ZNF888: variants seen among roughly 807,000 people sequenced by gnomAD.
ZNF888 encodes the protein CTD-2331H12.6.
ZNF888 carries 5 observed loss-of-function variants against 7.2 expected under a neutral mutation model. The ratio of observed to expected loss-of-function variants is 0.70; its 90% CI spans 0.36 to 1.46. ZNF888 has a LOEUF of 1.46. ZNF888 is among the 40% of genes most tolerant of loss of function. The pLI is 0.03. For synonymous variants in ZNF888, 240 were observed against 284.3 expected (o/e 0.84, Z 1.57); for missense variants, 716 against 858.0 (o/e 0.83, Z 2.07).
Position 52,906,541 on chromosome 19 carries a change from G to C in ZNF888, c.1781C>G (p.Ala594Gly). The C allele has an allele frequency of 6.2e-7, 1 of 1,613,544 alleles. No homozygotes were observed. Among genetic ancestry groups the C allele is most frequent in the South Asian group, 1.1e-5 (1 of 91,044 alleles). Residue 594 changes from alanine to glycine, a missense_variant, in exon 5 of 5, where the codon GCA (alanine) becomes GGA (glycine). By Grantham distance (60) the Ala-to-Gly change is moderately conservative. Coordinates refer to ENST00000638862, the MANE Select transcript of ZNF888 (RefSeq NM_001393938.1). The stretch of plus-strand genomic sequence containing the variant: ...TCCAGTATGAAGTCTATGATGACAT[G>C]CAAGTTGTGACTGTGTCCTAAAAAC... Reference protein sequence around the residue: ...GKVFRTQSQLACHHRLHTGEK... With the variant: ...GKVFRTQSQLGCHHRLHTGEK...
At chr19:52,909,764 A>G (rs2147925415) in intron 4 of ZNF888, among the ~76,000 whole-genome samples, 1 of 152,312 alleles carries the variant, frequency 6.6e-6, no homozygotes, top group Middle Eastern at 3.4e-3. Context: ...AAAAACCACA[A>G]CTTGTTCTTA....
At chr19:52,911,870 A>G (rs1405886620) in intron 4 of ZNF888, among the ~76,000 whole-genome samples, 2 of 150,576 alleles carry the variant, frequency 1.3e-5, no homozygotes, top group East Asian at 2.0e-4. Context: ...AGGCTGGAGT[A>G]CAGTGGTGCA....
At chr19:52,910,049 C>T (rs144491050) in intron 4 of ZNF888, among the ~76,000 whole-genome samples, 65 of 147,516 alleles carry the variant, frequency 4.4e-4, no homozygotes, top group African/African-American at 1.4e-3. Context: ...TTGGGGGACC[C>T]GAGGCAGGAG....
intron 1 of ZNF888, chr19:52,921,730 C>T: frequency 2.6e-6 from 2 of 755,266 alleles, no homozygotes; most frequent in Non-Finnish European, 3.2e-6. Context: ...CAATTGTAGA[C>T]CAGCCTGACC....
At chr19:52,913,853 T>C (rs2064714183) in intron 4 of ZNF888, 1 of 628,948 alleles carries the variant, frequency 1.6e-6, no homozygotes. Flanking sequence ...CGGTTGGGCA[T>C]GGTGGCTCAC....
In ZNF888 at chr19:52,907,558, C is replaced by A. The variant is rs957993203; in HGVS notation, c.764G>T (p.Arg255Leu). The stretch of plus-strand genomic sequence containing the variant: ...ACATCTACGATGGTGTGCAAGGTAT[C>A]GCTTCTGATTAAAGTCTTTGCCACA... ...DVCGKDFNQK[R>L]YLAHHRRCHT... The change falls in exon 5 of 5, where the codon CGA becomes CTA. Residue 255 changes from arginine (R) to leucine (L), a missense_variant. By Grantham distance (102) the Arg-to-Leu change is moderately radical. This residue lies in a region of ZNF888 where 697 missense variants were observed against 803.4 expected (regional missense o/e 0.87). Transcript: ENST00000638862. 1.2e-5 allele frequency: 20 copies of A among 1,609,408 alleles called. No individual in the cohort carries two copies. The Admixed American group carries it at 1.7e-4, about 14-fold the overall frequency.
In ZNF888 at chr19:52,906,116, G is replaced by T. The variant is rs769078319; in HGVS notation, c.*49C>A. 6 of 1,611,550 alleles carry T rather than the reference G, an allele frequency of 3.7e-6. No individual in the cohort carries two copies. Among genetic ancestry groups the T allele is most frequent in the Non-Finnish European group, 3.4e-6 (4 of 1,178,150 alleles). On this transcript the variant is annotated 3_prime_UTR_variant, in exon 5 of 5. Coordinates refer to ENST00000638862, the MANE Select transcript of ZNF888 (RefSeq NM_001393938.1). ...CTCTATTCATTATGGATTCTTCAAT[G>T]ATTTGCAATGGTTGTAGCGTTACTG...
chr19:52,921,509 T>A (rs998782809), intron 1 of ZNF888, among the ~76,000 whole-genome samples: 13 of 152,240 alleles, frequency 8.5e-5, no homozygotes, highest in Non-Finnish European at 1.9e-4. Context: ...GGTTGGTCTT[T>A]ATCACCCCAT....
chr19:52,913,774 A>G (rs1003909199), intron 4 of ZNF888: 1 of 981,316 alleles, frequency 1.0e-6, no homozygotes. Flanking sequence ...TTATATTCAC[A>G]CTGGAATCAT....
intron 3 of ZNF888, among the ~76,000 whole-genome samples, chr19:52,916,493 TA>T (rs2064749669): frequency 1.3e-5 from 2 of 151,496 alleles, no homozygotes; most frequent in South Asian, 2.1e-4. Flanking sequence ...TGTACATATA[TA>T]TGTGTATGTA....
intron 1 of ZNF888, among the ~76,000 whole-genome samples, chr19:52,922,315 CT>C (rs1301244985): frequency 6.6e-6 from 1 of 152,016 alleles, no homozygotes; most frequent in African/African-American, 2.4e-5. Flanking sequence ...TTATACCCCC[CT>C]GGCCCCACTC....
chr19:52,908,531 T>C (rs2064638405), intron 4 of ZNF888, among the ~76,000 whole-genome samples: 1 of 152,226 alleles, frequency 6.6e-6, no homozygotes, highest in Non-Finnish European at 1.5e-5. Context: ...ATATTCTTCA[T>C]ATTTACAGCA....
chr19:52,916,501 T>A (rs2064749785), intron 3 of ZNF888, among the ~76,000 whole-genome samples: 1 of 151,448 alleles, frequency 6.6e-6, no homozygotes, highest in Non-Finnish European at 1.5e-5. Flanking sequence ...TATATGTGTA[T>A]GTACATGTGT....
intron 4 of ZNF888, among the ~76,000 whole-genome samples, chr19:52,910,157 A>AG (rs2064660643): frequency 3.0e-5 from 2 of 67,368 alleles, no homozygotes. Flanking sequence ...CTCAAAAAAA[A>AG]AAAAAAAAAA....
chr19:52,905,739 C>G lies in ZNF888; in HGVS notation c.*426G>C. 2.0e-6 allele frequency: 1 copy of G among 506,732 alleles called. No homozygotes were observed. The highest frequency in any genetic ancestry group is 1.6e-5 in the South Asian group (1 of 62,044). The allele number at this position is 506,732 out of a possible 1,614,324, so 31.4% of individuals were successfully genotyped here. On this transcript the variant is annotated 3_prime_UTR_variant, in exon 5 of 5. Coordinates refer to ENST00000638862, the MANE Select transcript of ZNF888 (RefSeq NM_001393938.1). ...TTAATGCTTGATGGTTTGCTATACT[C>G]ATTGCATTCGGAACTATTATCTCAA...
intron 1 of ZNF888, among the ~76,000 whole-genome samples, chr19:52,919,970 C>T (rs1365728046): frequency 1.8e-5 from 1 of 56,810 alleles, no homozygotes; most frequent in African/African-American, 7.2e-5. Flanking sequence ...CGGCCAGCCG[C>T]CCCGTCCGGG....
rs145361548 is a variant in ZNF888, at chr19:52,920,938, T to TAAAAAAAAAAAAA, written c.-177-2014_-177-2002dup. Reference sequence around the variant, plus strand: ...GCTCAGAATAAATCTCTTCAAATATTAAAAAAAAAAAAAAAAAAAAAAAAA... The same window carrying TAAAAAAAAAAAAA: ...GCTCAGAATAAATCTCTTCAAATATTAAAAAAAAAAAAAAAAAAAAAAAAAAAAAAAAAAAAAA... On this transcript the variant is annotated intron_variant, in intron 1 of 4. Transcript: ENST00000638862. 4.6e-4 allele frequency among the ~76,000 whole-genome samples: 3 copies of TAAAAAAAAAAAAA among 6,530 alleles called. 1 individual carries two copies. The highest frequency in any genetic ancestry group is 7.0e-4 in the Non-Finnish European group (2 of 2,870). 4.3% of individuals were successfully genotyped at this position (6,530 alleles called of 152,430 possible).
At chr19:52,916,615 CATATATATATAT>C (rs67843514) in intron 3 of ZNF888, among the ~76,000 whole-genome samples, 8 of 131,482 alleles carry the variant, frequency 6.1e-5, no homozygotes, top group African/African-American at 1.8e-4. Flanking sequence ...TATACATATA[CATATATATATAT>C]ATATATATAT....
At position 52,923,400 on chromosome 19, in the gene ZNF888, C is replaced by T. The variant is rs896280728; in HGVS notation, c.-209G>A. The T allele has an allele frequency of 2.1e-4, 204 of 985,416 alleles. No homozygotes were observed. The highest frequency in any genetic ancestry group is 2.4e-4 in the Non-Finnish European group (197 of 830,032). 61.0% of individuals were successfully genotyped at this position (985,416 alleles called of 1,614,324 possible). The stretch of plus-strand genomic sequence containing the variant: ...AGTGTGACTTCCAGTCCACGCGATC[C>T]GCTTCCTGGTCCGGGCGAATCTACA... On this transcript the variant is annotated 5_prime_UTR_variant, in exon 1 of 5. Transcript: ENST00000638862.
Sources: allele counts gnomAD v4.1 joint callset (sites outside exome capture counted in the v4.1 genomes callset), GRCh38; gene constraint gnomAD v4.1.1; regional missense constraint gnomAD v4.1.1; transcripts MANE v1.5; gene names NCBI Gene and HGNC (gene_info 2026-07-23, HGNC 2026-07-21).